The following SUGCT variants were observed in gnomAD, a reference collection of about 807,000 sequenced individuals.
SUGCT encodes succinyl-CoA:glutarate-CoA transferase.
In SUGCT, 41 loss-of-function variants were observed where a neutral mutation model predicts 55.0. That is an observed-to-expected ratio of 0.74 (90% CI 0.58 to 0.97). SUGCT has a LOEUF of 0.97. Among genes scored for constraint, SUGCT ranks in the 50% least tolerant of loss-of-function variants. SUGCT has a pLI of 0.00. For synonymous variants in SUGCT, 187 were observed against 200.4 expected (o/e 0.93, Z 0.56); for missense variants, 568 against 547.8 (o/e 1.04, Z -0.37).
intron 12 of SUGCT, among the ~76,000 whole-genome samples, chr7:40,527,994 G>A (rs1233558792): frequency 6.6e-6 from 1 of 152,176 alleles, no homozygotes; most frequent in Non-Finnish European, 1.5e-5. Context: ...CTAGTGGATA[G>A]ATATAAGTAC....
In SUGCT at chr7:40,207,223, A is replaced by C. The variant is rs150215457; in HGVS notation, c.484+12163A>C. On this transcript the variant is annotated intron_variant, in intron 6 of 13. Coordinates refer to ENST00000335693, the MANE Select transcript of SUGCT (RefSeq NM_001193313.2). ...AAAAAGAAAAAAGAAAGACTAGTCT[A>C]GCAAGCCACCAATTAGGAAATGGGC... Among the ~76,000 whole-genome samples, 687 of 152,238 alleles carry C rather than the reference A, an allele frequency of 4.5e-3. 7 individuals are homozygous for C. Among genetic ancestry groups the C allele is most frequent in the African/African-American group, 0.016 (663 of 41,544 alleles).
At chr7:40,141,916 C>T in intron 1 of SUGCT, 3 of 319,716 alleles carry the variant, frequency 9.4e-6, no homozygotes, top group Non-Finnish European at 1.9e-5. Context: ...GGTTCTTATC[C>T]CTGATGCACG....
the SUGCT span, among the ~76,000 whole-genome samples, chr7:40,986,680 G>A: frequency 6.6e-6 from 1 of 152,212 alleles, no homozygotes; most frequent in Admixed American, 6.5e-5. Flanking sequence ...ATGGCCCAAG[G>A]AGTAATCGCT....
the SUGCT span, among the ~76,000 whole-genome samples, chr7:40,893,357 T>C: frequency 6.6e-6 from 1 of 152,112 alleles, no homozygotes; most frequent in Non-Finnish European, 1.5e-5. Flanking sequence ...AAAAAGAATA[T>C]TCCATCTATC....
chr7:40,188,584 A>G lies in SUGCT; in HGVS notation c.312+4A>G, dbSNP rs1364005497. ...CAGTGTTAACCGAAATAAAAAAGTA[A>G]GAATATCATCCCTTTTTTGCTTTTT... On this transcript the variant is annotated splice_donor_region_variant and intron_variant, in intron 4 of 13. Coordinates refer to ENST00000335693, the MANE Select transcript of SUGCT (RefSeq NM_001193313.2). The G allele has an allele frequency of 6.3e-7, 1 of 1,590,888 alleles. No individual in the cohort carries two copies. Among genetic ancestry groups the G allele is most frequent in the Non-Finnish European group, 8.6e-7 (1 of 1,169,464 alleles).
intron 9 of SUGCT, among the ~76,000 whole-genome samples, chr7:40,336,757 G>T (rs1796732952): frequency 6.6e-6 from 1 of 152,052 alleles, no homozygotes; most frequent in African/African-American, 2.4e-5. Context: ...CTTCAGTTCT[G>T]CTCTGATCTT....
At chr7:40,714,885 A>G (rs1785934256) in intron 12 of SUGCT, among the ~76,000 whole-genome samples, 1 of 152,204 alleles carries the variant, frequency 6.6e-6, no homozygotes, top group African/African-American at 2.4e-5. Flanking sequence ...CGTGAAGGCA[A>G]TTAATCAGTC....
intron 11 of SUGCT, among the ~76,000 whole-genome samples, chr7:40,485,538 A>C (rs1791291069): frequency 6.9e-6 from 1 of 145,156 alleles, no homozygotes; most frequent in South Asian, 2.1e-4. Flanking sequence ...TGGTGCTCTC[A>C]CCTCAGCCTT....
intron 6 of SUGCT, among the ~76,000 whole-genome samples, chr7:40,227,213 A>AT (rs1177797536): frequency 4.0e-5 from 6 of 151,430 alleles, no homozygotes; most frequent in Non-Finnish European, 7.4e-5. Context: ...CGCCTGGCTA[A>AT]TTTTTTTGTA....
intron 9 of SUGCT, among the ~76,000 whole-genome samples, chr7:40,393,619 T>C (rs937329097): frequency 1.3e-5 from 2 of 152,000 alleles, no homozygotes; most frequent in African/African-American, 2.4e-5. Context: ...AGGAGGCTAT[T>C]GAGAGGGAGG....
chr7:40,897,849 C>T, the SUGCT span, among the ~76,000 whole-genome samples: 1 of 152,088 alleles, frequency 6.6e-6, no homozygotes, highest in Non-Finnish European at 1.5e-5. Flanking sequence ...CAAAACGGAC[C>T]AATCAGCACT....
chr7:40,271,505 A>G (rs944668974), intron 7 of SUGCT, among the ~76,000 whole-genome samples: 1 of 152,118 alleles, frequency 6.6e-6, no homozygotes, highest in Non-Finnish European at 1.5e-5. Context: ...GATTTTTAAT[A>G]GATGCCCTTT....
intron 10 of SUGCT, among the ~76,000 whole-genome samples, chr7:40,457,312 C>T (rs544352466): frequency 3.3e-5 from 5 of 152,046 alleles, no homozygotes; most frequent in African/African-American, 9.6e-5. Flanking sequence ...CATGATGGTG[C>T]GCATGCCTGT....
chr7:40,244,400 A>T (rs1789675866), intron 7 of SUGCT, among the ~76,000 whole-genome samples: 1 of 152,132 alleles, frequency 6.6e-6, no homozygotes, highest in Non-Finnish European at 1.5e-5. Context: ...CCAGTCACAG[A>T]GGCGCTGAGA....
At chr7:40,610,601 G>GT (rs1798724792) in intron 12 of SUGCT, among the ~76,000 whole-genome samples, 1 of 152,172 alleles carries the variant, frequency 6.6e-6, no homozygotes, top group Non-Finnish European at 1.5e-5. Context: ...CATTCGACTT[G>GT]TAACGCGTAA....
chr7:40,724,860 A>G (rs1389601849), intron 12 of SUGCT, among the ~76,000 whole-genome samples: 1 of 152,160 alleles, frequency 6.6e-6, no homozygotes, highest in Non-Finnish European at 1.5e-5. Flanking sequence ...TTTAACAAAC[A>G]TTGCTATTTA....
intron 12 of SUGCT, among the ~76,000 whole-genome samples, chr7:40,711,711 C>G (rs534477974): frequency 6.6e-6 from 1 of 152,282 alleles, no homozygotes; most frequent in East Asian, 1.9e-4. Flanking sequence ...AACCTTATCA[C>G]TAACTGTTGG....
At chr7:40,236,214 C>T (rs1378392449) in intron 6 of SUGCT, among the ~76,000 whole-genome samples, 1 of 151,920 alleles carries the variant, frequency 6.6e-6, no homozygotes, top group Non-Finnish European at 1.5e-5. Context: ...CCTACCACCA[C>T]ACCCAGCTAA....
intron 9 of SUGCT, among the ~76,000 whole-genome samples, chr7:40,343,718 G>A (rs1005477042): frequency 2.0e-5 from 3 of 151,550 alleles, no homozygotes; most frequent in South Asian, 2.1e-4. Flanking sequence ...GTGCAGTGGC[G>A]CAATCTCGGC....
Sources: gnomAD v4.1 joint callset for allele counts (sites outside exome capture counted in the v4.1 genomes callset) on GRCh38, gnomAD v4.1.1 for gene constraint, MANE v1.5 for transcripts, NCBI Gene and HGNC (gene_info 2026-07-23, HGNC 2026-07-21) for gene names.